HEG1: variants seen among roughly 807,000 people sequenced by gnomAD.
The protein encoded by HEG1 is heart development protein with EGF like domains 1, also known as protein HEG homolog 1.
A neutral mutation model predicts 125.6 loss-of-function variants in HEG1; 56 were observed. The observed-to-expected ratio is 0.45, with a 90% CI of 0.36 to 0.56. The LOEUF is 0.56. Ranked by LOEUF, HEG1 falls within the 20% of genes least tolerant of loss-of-function variation. The pLI is 0.00. For synonymous variants in HEG1, 644 were observed against 668.5 expected, an observed-to-expected ratio of 0.96 and a Z score of 0.57; for missense variants, 1,523 against 1,670.0, an observed-to-expected ratio of 0.91 and a Z score of 1.53.
At position 125,009,598 on chromosome 3, in the gene HEG1, A is replaced by G. The variant is rs539849569; in HGVS notation, c.3193+107T>C. 210 of 1,199,362 alleles carry G rather than the reference A, an allele frequency of 1.8e-4. No homozygotes were observed. In the South Asian group the frequency reaches 2.7e-3, roughly 15 times the overall value. 74.3% of individuals were successfully genotyped at this position (1,199,362 alleles called of 1,614,324 possible). On this transcript the variant is annotated intron_variant, in intron 8 of 16. Coordinates refer to ENST00000311127, the MANE Select transcript of HEG1 (RefSeq NM_020733.2). Reference sequence around the variant, plus strand: ...ACTTTTTTCTATATTCCTTAAGTTTATACCTTGGACAAATACTGATTTTGG... The same window carrying G: ...ACTTTTTTCTATATTCCTTAAGTTTGTACCTTGGACAAATACTGATTTTGG...
At chr3:125,015,056 G>C (rs1937225249) in intron 5 of HEG1, 4 of 1,194,040 alleles carry the variant, frequency 3.3e-6, no homozygotes, top group Non-Finnish European at 4.3e-6. Context: ...TGCAGGGCTG[G>C]AGCGACAGGA....
Position 124,969,007 on chromosome 3 carries a change from G to C in HEG1, c.*1645C>G, listed in dbSNP as rs1439536403. ...GTGGTGGAGACCATGGGACACAGGA[G>C]TTCTTGCTTAAAACCATCAGGGCCA... is the stretch of plus-strand genomic sequence containing the variant. On this transcript the variant is annotated 3_prime_UTR_variant, in exon 17 of 17. Coordinates refer to ENST00000311127, the MANE Select transcript of HEG1 (RefSeq NM_020733.2). 6.6e-6 allele frequency: 1 copy of C among 152,210 alleles called. No individual in the cohort carries two copies. The highest frequency in any genetic ancestry group is 1.5e-5 in the Non-Finnish European group (1 of 68,078). 9.4% of individuals were successfully genotyped at this position (152,210 alleles called of 1,614,324 possible).
intron 14 of HEG1, among the ~76,000 whole-genome samples, chr3:124,985,462 T>C (rs1936722860): frequency 1.3e-5 from 2 of 152,162 alleles, no homozygotes; most frequent in Admixed American, 1.3e-4. Context: ...ATTATGAAAC[T>C]GTGAGGAGGA....
chr3:125,001,339 G>T (rs1168070805), intron 11 of HEG1, among the ~76,000 whole-genome samples: 2 of 151,994 alleles, frequency 1.3e-5, no homozygotes, highest in Non-Finnish European at 2.9e-5. Context: ...AGGCTGGGGT[G>T]CAGTGGTGCA....
At chr3:125,051,317 A>G (rs763556721) in intron 1 of HEG1, among the ~76,000 whole-genome samples, 1 of 151,896 alleles carries the variant, frequency 6.6e-6, no homozygotes, top group Non-Finnish European at 1.5e-5. Context: ...CAAAAAAGCA[A>G]GAGCAAGGAA....
At chr3:124,972,862 C>T (rs1936469833) in intron 16 of HEG1, among the ~76,000 whole-genome samples, 1 of 152,096 alleles carries the variant, frequency 6.6e-6, no homozygotes. Flanking sequence ...ATGATGCAGT[C>T]CAGGCTGGAC....
At chr3:124,994,407 G>A (rs1459485057) in intron 12 of HEG1, among the ~76,000 whole-genome samples, 2 of 152,214 alleles carry the variant, frequency 1.3e-5, no homozygotes, top group African/African-American at 4.8e-5. Flanking sequence ...TTTGGCAACA[G>A]CTAGTATATA....
intron 14 of HEG1, among the ~76,000 whole-genome samples, chr3:124,983,074 G>C (rs1936680706): frequency 6.6e-6 from 1 of 152,186 alleles, no homozygotes; most frequent in Non-Finnish European, 1.5e-5. Context: ...GCTACCCCCA[G>C]CTGCTGAGCT....
intron 1 of HEG1, among the ~76,000 whole-genome samples, chr3:125,042,093 T>C (rs979226017): frequency 6.6e-6 from 1 of 152,244 alleles, no homozygotes; most frequent in Non-Finnish European, 1.5e-5. Flanking sequence ...GTTAAAATGG[T>C]AAATTTTATG....
chr3:125,013,687 G>T lies in HEG1; in HGVS notation c.1892C>A (p.Ser631Tyr). The change falls in exon 6 of 17, where the codon TCC (serine) becomes TAC (tyrosine). Residue 631 changes from serine (S) to tyrosine (Y), a missense_variant. Physicochemically the swap from Ser to Tyr is moderately radical, Grantham distance 144 (BLOSUM62 -2). Coordinates refer to ENST00000311127, the MANE Select transcript of HEG1 (RefSeq NM_020733.2). ...PSTESPVLHT[S>Y]NLPSYTPTIN... ...GGTGGGTGTGTAGGACGGAAGGTTG[G>T]ATGTATGCAGAACTGGCGACTCAGT... is the stretch of plus-strand genomic sequence containing the variant. 1 of 1,613,964 alleles carries T rather than the reference G, an allele frequency of 6.2e-7. No individual in the cohort carries two copies. The highest frequency in any genetic ancestry group is 8.5e-7 in the Non-Finnish European group (1 of 1,179,880).
chr3:125,002,495 C>T lies in HEG1; in HGVS notation c.3298-180G>A, dbSNP rs1665146042. 2.6e-5 allele frequency among the ~76,000 whole-genome samples: 4 copies of T among 152,116 alleles called. No homozygotes were observed. In the South Asian group the frequency reaches 8.3e-4, roughly 32 times the overall value. ...CCTCTTAAATGCCTTTCTGTTGTTC[C>T]ATGAGTACAAAGAGAAAGAGGCAGA... On this transcript the variant is annotated intron_variant, in intron 9 of 16. Transcript: ENST00000311127.
rs1319539767 is a variant in HEG1 at position 124,969,588 on chromosome 3, T to C, written c.*1064A>G. On this transcript the variant is annotated 3_prime_UTR_variant, in exon 17 of 17. Transcript: ENST00000311127. ...GTGAGCAAACTCATGTGTGGCTCCA[T>C]CTCGGCTCCCTGTTCTTCCTCAGGA... The C allele has an allele frequency of 6.6e-6, 1 of 152,246 alleles. No individual in the cohort carries two copies. The highest frequency in any genetic ancestry group is 1.5e-5 in the Non-Finnish European group (1 of 68,066). The allele number at this position is 152,246 out of a possible 1,614,324, so 9.4% of individuals were successfully genotyped here.
chr3:125,031,409 G>T (rs958593068), intron 1 of HEG1, among the ~76,000 whole-genome samples: 1 of 152,184 alleles, frequency 6.6e-6, no homozygotes, highest in African/African-American at 2.4e-5. Context: ...GGGACACTGA[G>T]CAAGGGTGAG....
rs1937308089 is a variant in HEG1 at position 125,019,702 on chromosome 3, C to G, written c.1253-105G>C. On this transcript the variant is annotated intron_variant, in intron 4 of 16. Transcript: ENST00000311127. The stretch of plus-strand genomic sequence containing the variant: ...TAGGGAAAGATTCTTTGCCAAGGAA[C>G]CTGGTATAGTGTTTATTAAATGTAT... 3.7e-6 allele frequency: 3 copies of G among 818,544 alleles called. No homozygotes were observed. In the East Asian group the frequency reaches 7.4e-5, roughly 20 times the overall value. 50.7% of individuals were successfully genotyped at this position (818,544 alleles called of 1,614,324 possible).
chr3:124,979,364 T>C (rs986506797), intron 14 of HEG1, among the ~76,000 whole-genome samples: 2 of 152,106 alleles, frequency 1.3e-5, no homozygotes, highest in Admixed American at 6.5e-5. Flanking sequence ...AAGTCCAGAG[T>C]CTGGGAATCA....
At chr3:125,050,305 A>G (rs538255073) in intron 1 of HEG1, among the ~76,000 whole-genome samples, 34 of 152,114 alleles carry the variant, frequency 2.2e-4, no homozygotes, top group African/African-American at 7.7e-4. Context: ...CACCATGCCC[A>G]GCTAATTTTT....
intron 1 of HEG1, among the ~76,000 whole-genome samples, chr3:125,048,770 G>C (rs555437373): frequency 2.4e-4 from 36 of 152,338 alleles, no homozygotes; most frequent in African/African-American, 8.4e-4. Flanking sequence ...ATTAGAGAGA[G>C]AGCATAAGTG....
chr3:124,981,356 T>C (rs1217464541), intron 14 of HEG1, among the ~76,000 whole-genome samples: 1 of 151,952 alleles, frequency 6.6e-6, no homozygotes, highest in Non-Finnish European at 1.5e-5. Flanking sequence ...CACAGTTATG[T>C]CAAGTTAATA....
intron 14 of HEG1, among the ~76,000 whole-genome samples, chr3:124,981,233 C>CTTTTT (rs11461179): frequency 2.8e-5 from 4 of 142,246 alleles, no homozygotes; most frequent in African/African-American, 1.0e-4. Context: ...TCACTTTTTC[C>CTTTTT]TTTTTTTTTT....
Sources: gnomAD v4.1 joint callset for allele counts (sites outside exome capture counted in the v4.1 genomes callset) on GRCh38, gnomAD v4.1.1 for gene constraint, MANE v1.5 for transcripts, NCBI Gene and HGNC (gene_info 2026-07-23, HGNC 2026-07-21) for gene names.